The following BSN variants were observed in gnomAD, a reference collection of about 807,000 sequenced individuals.
BSN encodes the protein protein bassoon.
BSN carries 57 observed loss-of-function variants against 264.8 expected under a neutral mutation model. The ratio of observed to expected loss-of-function variants is 0.22; its 90% confidence interval spans 0.17 to 0.27. The LOEUF is 0.27. Among genes scored for constraint, BSN ranks in the 10% least tolerant of loss-of-function variants. BSN has a pLI of 1.00. For synonymous variants in BSN, 2,059 were observed against 2,137.3 expected (o/e 0.96, Z 1.01); for missense variants, 4,615 against 5,232.5 (o/e 0.88, Z 3.64).
intron 1 of BSN, among the ~76,000 whole-genome samples, chr3:49,600,661 G>A (rs936543040): frequency 2.0e-5 from 3 of 151,618 alleles, no homozygotes; most frequent in Admixed American, 6.6e-5. Flanking sequence ...AAAATTAGTC[G>A]GTTGTGGTGA....
Position 49,655,287 on chromosome 3 carries a change from A to C in BSN, c.5731A>C (p.Ser1911Arg), listed in dbSNP as rs906633111. The C allele has an allele frequency of 1.2e-6, 2 of 1,612,922 alleles. No homozygotes were observed. The highest frequency in any genetic ancestry group is 1.7e-6 in the Non-Finnish European group (2 of 1,179,910). ...CATGGTCTACAAGCTCCCCTTTGGCAGCAGCTGCACTGGCACCTTCCACCC... is the reference window on the plus strand; with the variant it reads ...CATGGTCTACAAGCTCCCCTTTGGCCGCAGCTGCACTGGCACCTTCCACCC... Reference protein sequence around the residue: ...CDMVYKLPFGSSCTGTFHPAP... With the variant: ...CDMVYKLPFGRSCTGTFHPAP... The change falls in exon 5 of 12, where the codon AGC becomes CGC. Residue 1911 changes from serine (S) to arginine (R), a missense_variant. Transcript: ENST00000296452.
intron 1 of BSN, among the ~76,000 whole-genome samples, chr3:49,561,497 C>T (rs1180204016): frequency 2.0e-5 from 3 of 152,148 alleles, no homozygotes; most frequent in Admixed American, 2.0e-4. Context: ...TACACTGTTA[C>T]ATTTGTGTTT....
In BSN at chr3:49,638,196, C is replaced by G. The variant is rs2052434052; in HGVS notation, c.634-4072C>G. 6.6e-6 allele frequency among the ~76,000 whole-genome samples: 1 copy of G among 152,094 alleles called. No homozygotes were observed. Among genetic ancestry groups the G allele is most frequent in the Non-Finnish European group, 1.5e-5 (1 of 68,012 alleles). Reference sequence around the variant, plus strand: ...GGAGCCACAGGGAGCCTTCTGGGTTCAACCTCTTGATGAGGAGGCATCACT... The same window carrying G: ...GGAGCCACAGGGAGCCTTCTGGGTTGAACCTCTTGATGAGGAGGCATCACT... On this transcript the variant is annotated intron_variant, in intron 2 of 11. Coordinates refer to ENST00000296452, the MANE Select transcript of BSN (RefSeq NM_003458.4). The surrounding 1 kb of genome is among the most constrained non-coding windows in gnomAD (Gnocchi z 4.3).
chr3:49,659,578 C>T (rs558272434), intron 5 of BSN, among the ~76,000 whole-genome samples: 1 of 152,206 alleles, frequency 6.6e-6, no homozygotes, highest in East Asian at 1.9e-4. Flanking sequence ...GTCCATGAAA[C>T]CCAAGGGCAT....
chr3:49,623,672 A>G (rs1224025927), intron 1 of BSN, among the ~76,000 whole-genome samples: 1 of 152,200 alleles, frequency 6.6e-6, no homozygotes, highest in Non-Finnish European at 1.5e-5. Context: ...CCATCTTGGT[A>G]GATTTGGTCT....
chr3:49,566,281 A>G (rs1040147969), intron 1 of BSN, among the ~76,000 whole-genome samples: 4 of 152,224 alleles, frequency 2.6e-5, no homozygotes, highest in Admixed American at 1.3e-4. Context: ...ATCCTAGACT[A>G]TCTCTCATTT....
At chr3:49,558,986 G>A (rs1447046242) in intron 1 of BSN, among the ~76,000 whole-genome samples, 3 of 152,182 alleles carry the variant, frequency 2.0e-5, no homozygotes, top group African/African-American at 7.2e-5. Context: ...GAGTGCAGTG[G>A]CGCGATCTCG....
At chr3:49,611,251 G>C (rs2052204801) in intron 1 of BSN, among the ~76,000 whole-genome samples, 1 of 152,182 alleles carries the variant, frequency 6.6e-6, no homozygotes, top group Non-Finnish European at 1.5e-5. Flanking sequence ...TTGTCCCCTT[G>C]GTAAAAGGCT....
chr3:49,577,763 C>T (rs1201136149), intron 1 of BSN, among the ~76,000 whole-genome samples: 1 of 152,114 alleles, frequency 6.6e-6, no homozygotes, highest in African/African-American at 2.4e-5. Context: ...TGGTCTCAAA[C>T]TCCTCACCTC....
intron 2 of BSN, among the ~76,000 whole-genome samples, chr3:49,635,349 G>A (rs2052413327): frequency 6.6e-6 from 1 of 152,156 alleles, no homozygotes; most frequent in Non-Finnish European, 1.5e-5. Flanking sequence ...AGGCCAGCAA[G>A]TGGAGGGCCA....
chr3:49,634,118 GA>G (rs1433757760), intron 2 of BSN, among the ~76,000 whole-genome samples: 8 of 152,158 alleles, frequency 5.3e-5, no homozygotes, highest in Admixed American at 3.3e-4. Context: ...TGAGGCAGGG[GA>G]ATTGCTTGAA....
At chr3:49,610,442 G>A (rs1486992706) in intron 1 of BSN, among the ~76,000 whole-genome samples, 2 of 151,922 alleles carry the variant, frequency 1.3e-5, no homozygotes, top group African/African-American at 4.8e-5. Flanking sequence ...AAATTAGCTG[G>A]GTGTGGTCGC....
At chr3:49,635,022 G>A (rs1416746875) in intron 2 of BSN, among the ~76,000 whole-genome samples, 1 of 152,152 alleles carries the variant, frequency 6.6e-6, no homozygotes, top group Non-Finnish European at 1.5e-5. Flanking sequence ...ACTGCGAAGA[G>A]CCATGATAGA....
At chr3:49,629,841 G>A (rs2052371656) in intron 2 of BSN, among the ~76,000 whole-genome samples, 2 of 152,224 alleles carry the variant, frequency 1.3e-5, no homozygotes, top group South Asian at 2.1e-4. Flanking sequence ...GCCTCTCTAG[G>A]AAAACTACAG....
At chr3:49,562,389 G>A (rs987658498) in intron 1 of BSN, among the ~76,000 whole-genome samples, 2 of 152,254 alleles carry the variant, frequency 1.3e-5, no homozygotes, top group Non-Finnish European at 2.9e-5. Flanking sequence ...GGCCCATGGT[G>A]TGGGGAGAGA....
At chr3:49,583,688 G>A (rs2051911996) in intron 1 of BSN, among the ~76,000 whole-genome samples, 1 of 152,140 alleles carries the variant, frequency 6.6e-6, no homozygotes, top group South Asian at 2.1e-4. Flanking sequence ...CTGAGCATAA[G>A]CTTTTCTTTG....
chr3:49,628,018 C>T (rs975744110), intron 2 of BSN, among the ~76,000 whole-genome samples: 2 of 152,100 alleles, frequency 1.3e-5, no homozygotes, highest in East Asian at 1.9e-4. Context: ...CAGGGCGTGT[C>T]GGCAGGATGC....
intron 3 of BSN, among the ~76,000 whole-genome samples, chr3:49,643,388 A>G (rs1379253152): frequency 2.0e-5 from 3 of 152,208 alleles, no homozygotes; most frequent in Non-Finnish European, 4.4e-5. Context: ...GACTCAGACT[A>G]GTGCCCTAAG....
At position 49,656,593 on chromosome 3, in the gene BSN, G is replaced by C. The variant is rs774981625; in HGVS notation, c.7037G>C (p.Ser2346Thr). Residue 2346 changes from serine to threonine, a missense_variant, in exon 5 of 12, where the codon AGT (serine) becomes ACT (threonine). Transcript: ENST00000296452. The stretch of plus-strand genomic sequence containing the variant: ...GCAGATGCTGCTCCTGGGGGTGGCA[G>C]TGGGGCCCTCAGCCGGCCAGGGTTC... ...PPADAAPGGG[S>T]GALSRPGFEK... 4.4e-6 allele frequency: 7 copies of C among 1,599,410 alleles called. No individual in the cohort carries two copies. Among genetic ancestry groups the C allele is most frequent in the Non-Finnish European group, 5.1e-6 (6 of 1,172,698 alleles).
Sources: gnomAD v4.1 joint callset for allele counts (sites outside exome capture counted in the v4.1 genomes callset) on GRCh38, gnomAD v4.1.1 for gene constraint, Gnocchi (gnomAD v3.1) non-coding constraint, MANE v1.5 for transcripts, NCBI Gene and HGNC (gene_info 2026-07-23, HGNC 2026-07-21) for gene names.